Variants in CASR observed in about 807,000 individuals in gnomAD.
CASR encodes the protein calcium sensing receptor.
A neutral mutation model predicts 69.1 loss-of-function variants in CASR; 23 were observed. That is an observed-to-expected ratio of 0.33 (90% CI 0.24 to 0.47). The LOEUF is 0.47. Among genes scored for constraint, CASR ranks in the 20% least tolerant of loss-of-function variants. The pLI is 1.00. For missense variants in CASR, 924 were observed against 1,356.1 expected (o/e 0.68, Z 5.00); for synonymous variants, 541 against 544.7 (o/e 0.99, Z 0.10).
chr3:122,259,815 G>A (rs545323685), intron 3 of CASR, among the ~76,000 whole-genome samples: 40 of 152,066 alleles, frequency 2.6e-4, no homozygotes, highest in African/African-American at 8.0e-4. Flanking sequence ...ATTTTTAGTC[G>A]AGACGGGGTT....
chr3:122,256,682 A>T (rs2074557894), intron 2 of CASR, among the ~76,000 whole-genome samples: 1 of 152,122 alleles, frequency 6.6e-6, no homozygotes, highest in Admixed American at 6.5e-5. Flanking sequence ...CAGTGGCACA[A>T]TCTCAGCTCA....
In CASR at chr3:122,284,558, C is replaced by G. The variant is rs957447440; in HGVS notation, c.2604C>G (p.Thr868=). Residue 868 remains threonine, a synonymous_variant, in exon 7 of 7, where the codon ACC becomes ACG. Transcript: ENST00000639785. ...TTCTCTTCAAGCCATCCCGCAACAC[C>G]ATCGAGGAGGTGCGTTGCAGCACCG... ...YIILFKPSRN[T]IEEVRCSTAA... is the part of the protein sequence containing the mutation. 1 of 1,614,126 alleles carries G rather than the reference C, an allele frequency of 6.2e-7. No individual in the cohort carries two copies. The highest frequency in any genetic ancestry group is 2.2e-5 in the East Asian group (1 of 44,884).
intron 3 of CASR, among the ~76,000 whole-genome samples, chr3:122,260,415 T>C (rs1459245114): frequency 1.3e-5 from 2 of 152,212 alleles, no homozygotes; most frequent in African/African-American, 4.8e-5. Context: ...AGTGCAAACA[T>C]GTCAAGACAG....
At chr3:122,190,977 C>T (rs915080763) in intron 1 of CASR, among the ~76,000 whole-genome samples, 8 of 152,228 alleles carry the variant, frequency 5.3e-5, no homozygotes, top group Non-Finnish European at 7.3e-5. Flanking sequence ...CTACTTACTC[C>T]TAGCTCTCTG....
At chr3:122,282,548 A>T (rs981390533) in intron 6 of CASR, among the ~76,000 whole-genome samples, 1 of 152,052 alleles carries the variant, frequency 6.6e-6, no homozygotes, top group Non-Finnish European at 1.5e-5. Context: ...TCTGCTCCAG[A>T]CTCCAGAGTT....
At chr3:122,202,326 G>T (rs981670644) in intron 1 of CASR, among the ~76,000 whole-genome samples, 1 of 152,230 alleles carries the variant, frequency 6.6e-6, no homozygotes, top group African/African-American at 2.4e-5. Flanking sequence ...GCTGAGGCAG[G>T]AGAATCAGGC....
intron 1 of CASR, among the ~76,000 whole-genome samples, chr3:122,233,785 A>T (rs1015655368): frequency 2.6e-5 from 4 of 152,176 alleles, no homozygotes; most frequent in African/African-American, 7.2e-5. Context: ...GAACTGACCC[A>T]TTTGACAGTA....
At chr3:122,258,939 G>C (rs973146712) in intron 3 of CASR, among the ~76,000 whole-genome samples, 2 of 152,088 alleles carry the variant, frequency 1.3e-5, no homozygotes, top group African/African-American at 4.8e-5. Flanking sequence ...CTGCCCTGCC[G>C]GGTGAGGTCA....
intron 1 of CASR, among the ~76,000 whole-genome samples, chr3:122,225,115 T>C (rs970546402): frequency 1.3e-5 from 2 of 152,138 alleles, no homozygotes; most frequent in Admixed American, 6.5e-5. Context: ...ATAAAAATGT[T>C]AGTAGAAAAC....
intron 3 of CASR, among the ~76,000 whole-genome samples, chr3:122,260,322 G>A (rs1292585636): frequency 1.3e-5 from 2 of 152,172 alleles, no homozygotes; most frequent in South Asian, 2.1e-4. Flanking sequence ...TTCAAGCAAC[G>A]ATCTCTTAAC....
intron 5 of CASR, among the ~76,000 whole-genome samples, chr3:122,276,581 A>T (rs1193779598): frequency 6.6e-6 from 1 of 152,234 alleles, no homozygotes; most frequent in Non-Finnish European, 1.5e-5. Context: ...CCATTGAAAG[A>T]CACTGGAGCC....
intron 4 of CASR, among the ~76,000 whole-genome samples, chr3:122,269,188 G>T (rs1024138146): frequency 2.0e-5 from 3 of 152,030 alleles, no homozygotes; most frequent in Non-Finnish European, 4.4e-5. Flanking sequence ...TTTCAGTTTA[G>T]AATTTAGATC....
intron 1 of CASR, chr3:122,247,237 A>G (rs1252981535): frequency 1.3e-5 from 2 of 152,176 alleles, no homozygotes; most frequent in Non-Finnish European, 2.9e-5. Context: ...CAGAGCCTTT[A>G]AGGAGGCATA....
At chr3:122,205,850 T>C (rs528848135) in intron 1 of CASR, among the ~76,000 whole-genome samples, 7 of 152,160 alleles carry the variant, frequency 4.6e-5, no homozygotes, top group Non-Finnish European at 1.5e-5. Flanking sequence ...AGGATTTTTT[T>C]ATGATTTCTT....
chr3:122,196,947 CT>C (rs1021678488), intron 1 of CASR, among the ~76,000 whole-genome samples: 4 of 151,864 alleles, frequency 2.6e-5, no homozygotes, highest in African/African-American at 7.2e-5. Flanking sequence ...CCTCAGTTAC[CT>C]TTTTTTTGTA....
intron 1 of CASR, among the ~76,000 whole-genome samples, chr3:122,222,569 C>T (rs2074182352): frequency 6.6e-6 from 1 of 152,090 alleles, no homozygotes; most frequent in Non-Finnish European, 1.5e-5. Context: ...ATTCATAAAA[C>T]AAGTTCTTAG....
intron 1 of CASR, among the ~76,000 whole-genome samples, chr3:122,211,882 A>G (rs9879479): frequency 0.24 from 36,759 of 152,124 alleles, 5,447 homozygotes; most frequent in Admixed American, 0.43. Flanking sequence ...GCCAGTCGGA[A>G]TGGTGATTAT....
At chr3:122,195,874 G>A (rs954945504) in intron 1 of CASR, among the ~76,000 whole-genome samples, 4 of 152,180 alleles carry the variant, frequency 2.6e-5, no homozygotes, top group Non-Finnish European at 4.4e-5. Flanking sequence ...TACTGCGAGA[G>A]TATAAATGAA....
intron 3 of CASR, among the ~76,000 whole-genome samples, chr3:122,260,039 A>G (rs2074601624): frequency 6.6e-6 from 1 of 152,182 alleles, no homozygotes; most frequent in South Asian, 2.1e-4. Flanking sequence ...TTGTGTAAAA[A>G]TGTTTCGTTC....
Sources: allele counts gnomAD v4.1 joint callset (sites outside exome capture counted in the v4.1 genomes callset), GRCh38; gene constraint gnomAD v4.1.1; transcripts MANE v1.5; gene names NCBI Gene and HGNC (gene_info 2026-07-23, HGNC 2026-07-21).